The following OR3A2 variants were observed in gnomAD, a reference collection of about 807,000 sequenced individuals.
OR3A2 encodes the protein olfactory receptor 3A2.
For synonymous variants in OR3A2, 126 were observed against 159.3 expected (o/e 0.79, Z 1.57); for missense variants, 318 against 392.8 (o/e 0.81, Z 1.61).
At chr17:3,285,732 G>A (rs1376646832), upstream of OR3A2, among the ~76,000 whole-genome samples, 4 of 152,184 alleles carry the variant, frequency 2.6e-5, no homozygotes, top group Non-Finnish European at 5.9e-5. Flanking sequence ...AGGCTGCAGT[G>A]AGCCGTGATC....
At chr17:3,287,441 A>G (rs897375753), upstream of OR3A2, among the ~76,000 whole-genome samples, 1 of 152,062 alleles carries the variant, frequency 6.6e-6, no homozygotes, top group African/African-American at 2.4e-5. Flanking sequence ...TATTGTGTCT[A>G]TATCTCTGCT....
intron 2 of OR3A2, among the ~76,000 whole-genome samples, chr17:3,341,593 C>T (rs2049319396): frequency 6.6e-6 from 1 of 152,154 alleles, no homozygotes; most frequent in African/African-American, 2.4e-5. Flanking sequence ...ATATTGGCCC[C>T]CACTCTCTTC....
chr17:3,329,041 T>C (rs2150640764), intron 3 of OR3A2, among the ~76,000 whole-genome samples: 2 of 151,170 alleles, frequency 1.3e-5, no homozygotes. Context: ...TGAACCAGCC[T>C]TGCATCCCAG....
At chr17:3,321,179 TTGTC>T (rs1270618088) in intron 3 of OR3A2, among the ~76,000 whole-genome samples, 10 of 151,178 alleles carry the variant, frequency 6.6e-5, no homozygotes, top group African/African-American at 1.2e-4. Context: ...GGCTCTCTGT[TTGTC>T]TGTTGTTGGT....
At chr17:3,329,165 A>C (rs960251526) in intron 3 of OR3A2, among the ~76,000 whole-genome samples, 5 of 151,848 alleles carry the variant, frequency 3.3e-5, no homozygotes, top group African/African-American at 1.2e-4. Flanking sequence ...TATTGGTCTA[A>C]AATTCTCTTT....
chr17:3,313,513 G>C (rs2049059993), intron 3 of OR3A2, among the ~76,000 whole-genome samples: 1 of 152,338 alleles, frequency 6.6e-6, no homozygotes. Context: ...TATCTGCTCA[G>C]TGTCATTTCA....
Position 3,331,423 on chromosome 17 carries a change from C to CT in OR3A2, c.-85+4609dup, listed in dbSNP as rs1161047180. Among the ~76,000 whole-genome samples, 765 of 150,922 alleles carry CT rather than the reference C, an allele frequency of 5.1e-3. 4 individuals are homozygous for CT. The highest frequency in any genetic ancestry group is 0.018 in the African/African-American group (729 of 40,960). ...GAGGCTTTGCTCATTTCTTTTTATT[C>CT]TTTTTTCTCTAAACTTCCCTTCTCA... On this transcript the variant is annotated intron_variant, in intron 3 of 4. Coordinates refer to the OR3A2 transcript ENST00000573491.
intron 3 of OR3A2, among the ~76,000 whole-genome samples, chr17:3,303,761 A>G (rs1264133780): frequency 1.4e-5 from 2 of 147,854 alleles, no homozygotes; most frequent in Non-Finnish European, 3.0e-5. Context: ...AAAATTAGCC[A>G]GGTGCCTGTA....
At chr17:3,287,048 G>A (rs192475514), upstream of OR3A2, among the ~76,000 whole-genome samples, 290 of 152,224 alleles carry the variant, frequency 1.9e-3, no homozygotes, top group African/African-American at 6.7e-3. Context: ...ATGGTTTTAG[G>A]TCTTACATTT....
chr17:3,292,201 C>G, intron 3 of OR3A2: 1 of 1,614,072 alleles, frequency 6.2e-7, no homozygotes, highest in Non-Finnish European at 8.5e-7. Context: ...CGGCAGATGG[C>G]CAGGAATCGG....
At chr17:3,327,875 G>A (rs940644360) in intron 3 of OR3A2, among the ~76,000 whole-genome samples, 4 of 133,844 alleles carry the variant, frequency 3.0e-5, no homozygotes, top group South Asian at 2.4e-4. Flanking sequence ...GTAGACATGC[G>A]GTGTTATTTC....
chr17:3,299,773 C>CT (rs2048947884), intron 3 of OR3A2, among the ~76,000 whole-genome samples: 1 of 152,222 alleles, frequency 6.6e-6, no homozygotes, highest in Non-Finnish European at 1.5e-5. Context: ...TTAGGACCAG[C>CT]TGCTCAGCAA....
At chr17:3,331,373 T>G (rs1189908132) in intron 3 of OR3A2, among the ~76,000 whole-genome samples, 1 of 152,158 alleles carries the variant, frequency 6.6e-6, no homozygotes, top group Non-Finnish European at 1.5e-5. Flanking sequence ...AGATTTGGTC[T>G]TTTCACATAG....
At chr17:3,376,266 G>A (rs1029615042) in intron 2 of OR3A2, among the ~76,000 whole-genome samples, 8 of 152,222 alleles carry the variant, frequency 5.3e-5, no homozygotes, top group South Asian at 2.1e-4. Context: ...CACCAGCTAC[G>A]ATAGTAGAAG....
chr17:3,325,695 G>A (rs895158845), intron 3 of OR3A2, among the ~76,000 whole-genome samples: 1 of 151,906 alleles, frequency 6.6e-6, no homozygotes, highest in Admixed American at 6.6e-5. Context: ...AAAAATTAAG[G>A]TATCACATCT....
chr17:3,367,334 A>G (rs2049572667), intron 2 of OR3A2, among the ~76,000 whole-genome samples: 2 of 152,050 alleles, frequency 1.3e-5, no homozygotes, highest in Non-Finnish European at 2.9e-5. Context: ...CACTGTACCC[A>G]ATGTGTAATC....
intron 3 of OR3A2, chr17:3,291,957 A>T: frequency 6.2e-7 from 1 of 1,614,224 alleles, no homozygotes; most frequent in Non-Finnish European, 8.5e-7. Context: ...GGTACCTGCC[A>T]TTATAAAACC....
chr17:3,369,363 G>C (rs1157647486), intron 2 of OR3A2, among the ~76,000 whole-genome samples: 1 of 152,142 alleles, frequency 6.6e-6, no homozygotes, highest in Non-Finnish European at 1.5e-5. Context: ...TATAATGTTG[G>C]CTGTGGGTTT....
chr17:3,334,092 A>T lies in OR3A2; in HGVS notation c.-85+1941T>A, dbSNP rs558355376. ...ACCAGTCAGAATGGCAATTACTAAA[A>T]AGTCAAGAAACAACAGATGCTGGCG... On this transcript the variant is annotated intron_variant, in intron 3 of 4. Coordinates refer to the OR3A2 transcript ENST00000573491. 3.0e-4 allele frequency among the ~76,000 whole-genome samples: 46 copies of T among 152,300 alleles called. 1 individual carries two copies. The South Asian group carries it at 9.5e-3, about 32-fold the overall frequency.
Sources: allele counts gnomAD v4.1 joint callset (sites outside exome capture counted in the v4.1 genomes callset), GRCh38; gene constraint gnomAD v4.1.1; transcripts MANE v1.5; gene names NCBI Gene and HGNC (gene_info 2026-07-23, HGNC 2026-07-21).